The following CNGA1 variants were observed in gnomAD, a reference collection of about 807,000 sequenced individuals.
The protein encoded by CNGA1 is cyclic nucleotide gated channel subunit alpha 1, also known as cyclic nucleotide-gated channel alpha-1.
Under a neutral mutation model 69.7 loss-of-function variants are expected in CNGA1, and 53 were observed. The observed-to-expected ratio is 0.76, with a 90% CI of 0.61 to 0.96. The LOEUF (loss-of-function observed/expected upper bound fraction) is 0.96. CNGA1 is among the 40% of genes least tolerant of loss of function. CNGA1 has a pLI of 0.00. For synonymous variants in CNGA1, 249 were observed against 283.5 expected (o/e 0.88, Z 1.22); for missense variants, 739 against 811.2 (o/e 0.91, Z 1.08).
chr4:47,974,229 G>A (rs1741226825), intron 3 of CNGA1, among the ~76,000 whole-genome samples: 2 of 152,130 alleles, frequency 1.3e-5, no homozygotes, highest in Admixed American at 6.5e-5. Context: ...AACTGTGTGT[G>A]TGTACATAGA....
At chr4:47,973,683 C>G (rs897349790) in intron 3 of CNGA1, among the ~76,000 whole-genome samples, 4 of 151,946 alleles carry the variant, frequency 2.6e-5, no homozygotes, top group East Asian at 3.9e-4. Context: ...AATCCACCAA[C>G]CAGTTAACTT....
chr4:47,999,610 C>T (rs12505197), intron 2 of CNGA1, among the ~76,000 whole-genome samples: 79,910 of 152,012 alleles, frequency 0.53, 23,033 homozygotes, highest in Non-Finnish European at 0.64. Context: ...GTAGCTCACA[C>T]CTGTAATCAC....
chr4:47,999,853 CAG>C lies in CNGA1; in HGVS notation c.-123+10939_-123+10940del, dbSNP rs540727218. Among the ~76,000 whole-genome samples, 13 of 152,086 alleles carry C rather than the reference CAG, an allele frequency of 8.5e-5. No homozygotes were observed. The South Asian group carries it at 1.2e-3, about 15-fold the overall frequency. On this transcript the variant is annotated intron_variant, in intron 2 of 10. Transcript: ENST00000514170. ...GCTCCTGCACTCTCCAGCCTGGTGA[CAG>C]AGAGAGATTTCATTTCAAAACTAAT...
chr4:47,992,873 T>C (rs1471882435), intron 2 of CNGA1, among the ~76,000 whole-genome samples: 1 of 151,920 alleles, frequency 6.6e-6, no homozygotes, highest in Non-Finnish European at 1.5e-5. Flanking sequence ...CCTTGTATGC[T>C]GATTTTGCTG....
intron 3 of CNGA1, among the ~76,000 whole-genome samples, chr4:47,969,044 T>C (rs1740877006): frequency 6.6e-6 from 1 of 152,128 alleles, no homozygotes; most frequent in Non-Finnish European, 1.5e-5. Flanking sequence ...GAGAATGACA[T>C]CATCCCATGT....
chr4:47,943,349 G>T (rs1228861247), intron 7 of CNGA1, 22 bp downstream of exon 7: 1 of 1,537,606 alleles, frequency 6.5e-7, no homozygotes, highest in African/African-American at 1.4e-5. Context: ...AAAATGTGGG[G>T]TAATTCTTGC....
chr4:48,013,996 T>G (rs1715273859), intron 1 of CNGA1, among the ~76,000 whole-genome samples: 1 of 152,190 alleles, frequency 6.6e-6, no homozygotes, highest in South Asian at 2.1e-4. Context: ...CTTGAGGCCC[T>G]AAGGCTCTAC....
chr4:47,937,705 T>C lies in CNGA1; in HGVS notation c.777A>G (p.Leu259=). 1 of 1,614,108 alleles carries C rather than the reference T, an allele frequency of 6.2e-7. No homozygotes were observed. Among genetic ancestry groups the C allele is most frequent in the Non-Finnish European group, 8.5e-7 (1 of 1,179,988 alleles). ...ATCTAATTTCTGGATAGTTCCACCC[T>C]AACTTAAAATACAGCAAATCAGTTG... is the stretch of plus-strand genomic sequence containing the variant. ...LIPTDLLYFK[L]GWNYPEIRLN... The change falls in exon 11 of 11, where the codon TTA becomes TTG. Residue 259 remains leucine, a synonymous_variant. Coordinates refer to ENST00000514170, the MANE Select transcript of CNGA1 (RefSeq NM_001379270.1).
At chr4:47,951,242 A>G in intron 5 of CNGA1, 111 bp downstream of exon 5, 1 of 718,632 alleles carries the variant, frequency 1.4e-6, no homozygotes, top group Non-Finnish European at 2.6e-6. Context: ...AGTTATTTCT[A>G]TCCTACTGCT....
intron 2 of CNGA1, among the ~76,000 whole-genome samples, chr4:47,999,597 A>G (rs1455254395): frequency 1.3e-5 from 2 of 152,196 alleles, no homozygotes; most frequent in Non-Finnish European, 2.9e-5. Flanking sequence ...ATGTCTGGGA[A>G]CAGTAGCTCA....
chr4:47,960,304 C>A (rs1740354097), intron 3 of CNGA1, among the ~76,000 whole-genome samples: 1 of 152,180 alleles, frequency 6.6e-6, no homozygotes, highest in Non-Finnish European at 1.5e-5. Context: ...GATTGTACAA[C>A]CTCTTTGGCA....
At chr4:47,963,066 T>TA (rs1377241528) in intron 3 of CNGA1, among the ~76,000 whole-genome samples, 1 of 152,008 alleles carries the variant, frequency 6.6e-6, no homozygotes, top group African/African-American at 2.4e-5. Flanking sequence ...CAAGCAGTCC[T>TA]CCCGCCTCAA....
At chr4:47,967,179 T>A (rs1740769265) in intron 3 of CNGA1, among the ~76,000 whole-genome samples, 1 of 152,304 alleles carries the variant, frequency 6.6e-6, no homozygotes, top group African/African-American at 2.4e-5. Context: ...GGCGAGCACC[T>A]GTAATCCCAG....
chr4:48,000,218 T>C (rs1714606436), intron 2 of CNGA1, among the ~76,000 whole-genome samples: 1 of 151,944 alleles, frequency 6.6e-6, no homozygotes, highest in African/African-American at 2.4e-5. Context: ...AGCAAGGAGG[T>C]AAAAACAAAT....
intron 3 of CNGA1, chr4:47,959,056 CGAA>C (rs1292949788): frequency 6.6e-6 from 1 of 151,928 alleles, no homozygotes; most frequent in Non-Finnish European, 1.5e-5. Context: ...AAAATGTTTG[CGAA>C]GAAGATTTTA....
intron 3 of CNGA1, chr4:47,971,050 A>C: frequency 2.2e-6 from 1 of 454,700 alleles, no homozygotes; most frequent in Admixed American, 2.4e-5. Context: ...GACTGCAGTG[A>C]GCCGAGATCG....
intron 3 of CNGA1, among the ~76,000 whole-genome samples, chr4:47,958,024 A>T (rs1188681732): frequency 6.6e-6 from 1 of 151,312 alleles, no homozygotes; most frequent in East Asian, 2.0e-4. Context: ...CCTCCCGAGT[A>T]GCTGGGACTA....
At chr4:47,945,148 A>C (rs931814770) in intron 6 of CNGA1, among the ~76,000 whole-genome samples, 11 of 152,112 alleles carry the variant, frequency 7.2e-5, no homozygotes, top group African/African-American at 2.7e-4. Context: ...GGATCACTTG[A>C]GCCCAGGAGT....
intron 3 of CNGA1, among the ~76,000 whole-genome samples, chr4:47,979,146 C>T (rs2110213578): frequency 6.6e-6 from 1 of 151,998 alleles, no homozygotes; most frequent in African/African-American, 2.4e-5. Flanking sequence ...CATGGCAAAA[C>T]CCCGTCTCCA....
Sources: gnomAD v4.1 joint callset for allele counts (sites outside exome capture counted in the v4.1 genomes callset) on GRCh38, gnomAD v4.1.1 for gene constraint, MANE v1.5 for transcripts, NCBI Gene and HGNC (gene_info 2026-07-23, HGNC 2026-07-21) for gene names.